The following ITGA4 variants were observed in gnomAD, a reference collection of about 807,000 sequenced individuals.
The protein encoded by ITGA4 is integrin alpha-4.
In ITGA4, 63 loss-of-function variants were observed where a neutral mutation model predicts 133.6. The observed-to-expected ratio is 0.47, with a 90% confidence interval of 0.38 to 0.58. The LOEUF (loss-of-function observed/expected upper bound fraction) is 0.58. ITGA4 is among the 20% of genes least tolerant of loss of function. The pLI, the probability that ITGA4 is intolerant of heterozygous loss-of-function variation, is 0.00. For synonymous variants in ITGA4, 483 were observed against 438.0 expected (o/e 1.10, Z -1.28); for missense variants, 1,076 against 1,252.7 (o/e 0.86, Z 2.13).
rs748428407 is a variant in ITGA4, at chr2:181,537,878, G to A, written c.*2351G>A. On this transcript the variant is annotated 3_prime_UTR_variant, in exon 28 of 28. Coordinates refer to ENST00000397033, the MANE Select transcript of ITGA4 (RefSeq NM_000885.6). ...CGTTTGGCCACACAGCAGGAGGTTA[G>A]AGCAATGGAGCATTACTGAGTTCCT... 17 of 539,068 alleles carry A rather than the reference G, an allele frequency of 3.2e-5. No individual in the cohort carries two copies. Among genetic ancestry groups the A allele is most frequent in the Non-Finnish European group, 5.3e-5 (15 of 282,166 alleles). 33.4% of individuals were successfully genotyped at this position (539,068 alleles called of 1,614,324 possible). A position where few individuals can be genotyped will look rare whatever the true frequency, so the allele number is the denominator to read the frequency against.
intron 2 of ITGA4, 165 bp downstream of exon 2, chr2:181,458,482 G>T (rs768152136): frequency 2.4e-4 from 175 of 723,594 alleles, no homozygotes; most frequent in Non-Finnish European, 2.6e-4. Context: ...AATATAAAAG[G>T]GATTCCCTTT....
intron 2 of ITGA4, among the ~76,000 whole-genome samples, chr2:181,465,505 G>GACCA (rs879859129): frequency 1.3e-5 from 2 of 151,926 alleles, no homozygotes; most frequent in African/African-American, 2.4e-5. Context: ...TATTTCCCTG[G>GACCA]AGTATTTTCT....
intron 10 of ITGA4, among the ~76,000 whole-genome samples, chr2:181,487,670 C>G (rs1046956652): frequency 6.6e-6 from 1 of 152,036 alleles, no homozygotes; most frequent in African/African-American, 2.4e-5. Flanking sequence ...CATAAGTAAC[C>G]AGCAATTCTG....
chr2:181,458,634 A>AT (rs1685193296), intron 2 of ITGA4: 2 of 320,822 alleles, frequency 6.2e-6, no homozygotes, highest in South Asian at 7.5e-5. Context: ...CTCTCAGCGT[A>AT]TTAAGGACAG....
chr2:181,518,923 G>T (rs1013762283), intron 17 of ITGA4, among the ~76,000 whole-genome samples: 26 of 151,874 alleles, frequency 1.7e-4, no homozygotes, highest in African/African-American at 5.8e-4. Context: ...AGATTTTTAA[G>T]AAATTAATCC....
chr2:181,506,436 A>C lies in ITGA4; in HGVS notation c.1696-3222A>C, dbSNP rs551700364. Among the ~76,000 whole-genome samples the C allele has an allele frequency of 5.9e-5, 9 of 152,208 alleles. No homozygotes were observed. The East Asian group carries it at 1.7e-3, about 29-fold the overall frequency. The stretch of plus-strand genomic sequence containing the variant: ...AGATAACATAACTAAGCCATAGACA[A>C]ATTAAGAAACTTGTCCAATGTTATG... On this transcript the variant is annotated intron_variant, in intron 15 of 27. Coordinates refer to ENST00000397033, the MANE Select transcript of ITGA4 (RefSeq NM_000885.6).
intron 14 of ITGA4, 26 bp from the exon 15 acceptor site, chr2:181,498,597 A>G: frequency 6.9e-7 from 1 of 1,454,462 alleles, no homozygotes; most frequent in Non-Finnish European, 9.6e-7. Context: ...TAATTAGATT[A>G]ATTGCAATTC....
chr2:181,475,265 AAAG>A lies in ITGA4; in HGVS notation c.536_538del (p.Arg179del). The A allele has an allele frequency of 6.2e-7, 1 of 1,613,078 alleles. No homozygotes were observed. The highest frequency in any genetic ancestry group is 1.3e-5 in the African/African-American group (1 of 75,038). ...CCTGATTTACGAACAGAACTGAGTA[AAAG>A]AATAGCTCCGTGTTATCAAGGTAAG... On this transcript the variant is annotated inframe_deletion, in exon 4 of 28. Coordinates refer to ENST00000397033, the MANE Select transcript of ITGA4 (RefSeq NM_000885.6).
chr2:181,480,461 ATG>A (rs1238688791), intron 6 of ITGA4, among the ~76,000 whole-genome samples, 195 bp downstream of exon 6: 1 of 152,106 alleles, frequency 6.6e-6, no homozygotes, highest in Non-Finnish European at 1.5e-5. Context: ...ACATTTACAC[ATG>A]TGACTAAAAT....
Position 181,485,947 on chromosome 2 carries a change from G to A in ITGA4, c.1108G>A (p.Glu370Lys), listed in dbSNP as rs757218553. 1.1e-5 allele frequency: 17 copies of A among 1,605,026 alleles called. No individual in the cohort carries two copies. The highest frequency in any genetic ancestry group is 1.8e-5 in the Admixed American group (1 of 57,098). The stretch of plus-strand genomic sequence containing the variant: ...TGACAAATATGCTGCAAGATTTGGG[G>A]AATCTATAGTTAATCTTGGCGACAT... ...GSDKYAARFG[E>K]SIVNLGDIDN... The change falls in exon 10 of 28, where the codon GAA becomes AAA. Residue 370 changes from glutamate (E) to lysine (K), a missense_variant. Physicochemically the swap from Glu to Lys is moderately conservative, Grantham distance 56. Transcript: ENST00000397033.
chr2:181,459,381 T>C (rs1476466564), intron 2 of ITGA4: 1 of 152,246 alleles, frequency 6.6e-6, no homozygotes, highest in Non-Finnish European at 1.5e-5. Flanking sequence ...AATTGGTACT[T>C]CTTTATATTT....
In ITGA4 at chr2:181,457,528, A is replaced by C. The variant is rs996645022; in HGVS notation, c.-127A>C. 13 of 885,084 alleles carry C rather than the reference A, an allele frequency of 1.5e-5. No homozygotes were observed. The African/African-American group carries it at 1.7e-4, about 12-fold the overall frequency. 54.8% of individuals were successfully genotyped at this position (885,084 alleles called of 1,614,324 possible). A position where few individuals can be genotyped will look rare whatever the true frequency, so the allele number is the denominator to read the frequency against. On this transcript the variant is annotated 5_prime_UTR_variant, in exon 1 of 28. Transcript: ENST00000397033. ...CTCCTCTTCCCTCTCTCCTTCCTTT[A>C]GCCCGCTGGCGCCGGACACGCTGCG...
At chr2:181,518,032 T>G (rs1269003203) in intron 17 of ITGA4, among the ~76,000 whole-genome samples, 1 of 151,882 alleles carries the variant, frequency 6.6e-6, no homozygotes. Flanking sequence ...GCTTTAGTCC[T>G]AACATGATTA....
intron 2 of ITGA4, among the ~76,000 whole-genome samples, chr2:181,459,558 T>C (rs1685216069): frequency 6.6e-6 from 1 of 152,238 alleles, no homozygotes; most frequent in South Asian, 2.1e-4. Flanking sequence ...TCAGAGCACC[T>C]ATAAAAGTCT....
At chr2:181,517,102 G>A (rs765635125) in intron 17 of ITGA4, among the ~76,000 whole-genome samples, 2 of 151,804 alleles carry the variant, frequency 1.3e-5, no homozygotes, top group Non-Finnish European at 2.9e-5. Context: ...TTTCAGTATT[G>A]TCTTTTTCCC....
At chr2:181,526,528 A>G (rs1042534296) in intron 21 of ITGA4, among the ~76,000 whole-genome samples, 1 of 152,184 alleles carries the variant, frequency 6.6e-6, no homozygotes, top group Non-Finnish European at 1.5e-5. Context: ...AAAATTTATC[A>G]TACTTAATAA....
chr2:181,497,840 C>T (rs1272925447), intron 14 of ITGA4, among the ~76,000 whole-genome samples: 1 of 151,186 alleles, frequency 6.6e-6, no homozygotes. Flanking sequence ...TTGGTAAGAT[C>T]TGGCTTGGAC....
intron 2 of ITGA4, among the ~76,000 whole-genome samples, chr2:181,473,759 G>A (rs1314015956): frequency 6.6e-6 from 1 of 152,132 alleles, no homozygotes; most frequent in Non-Finnish European, 1.5e-5. Flanking sequence ...CTTGAGGCAA[G>A]AGTTCAAGAC....
chr2:181,515,479 T>C (rs1686586301), intron 17 of ITGA4, among the ~76,000 whole-genome samples: 1 of 152,106 alleles, frequency 6.6e-6, no homozygotes, highest in South Asian at 2.1e-4. Flanking sequence ...TTGCCAATTC[T>C]ATACATAATT....
Sources: allele counts gnomAD v4.1 joint callset (sites outside exome capture counted in the v4.1 genomes callset), GRCh38; gene constraint gnomAD v4.1.1; transcripts MANE v1.5; gene names NCBI Gene and HGNC (gene_info 2026-07-23, HGNC 2026-07-21).